Variants in FBXO33 observed in about 807,000 individuals in gnomAD.
FBXO33 encodes F-box protein 33, also known as F-box only protein 33.
Under a neutral mutation model 46.3 loss-of-function variants are expected in FBXO33, and 22 were observed. That is an observed-to-expected ratio of 0.48 (90% CI 0.34 to 0.68). The LOEUF (loss-of-function observed/expected upper bound fraction) is 0.68. Ranked by LOEUF, FBXO33 falls within the 30% of genes least tolerant of loss-of-function variation. The pLI is 0.01. For missense variants in FBXO33, 692 were observed against 708.8 expected (o/e 0.98, Z 0.27); for synonymous variants, 337 against 291.3 (o/e 1.16, Z -1.60).
chr14:39,432,043 C>T lies in FBXO33; in HGVS notation c.120G>A (p.Gly40=), dbSNP rs1213158519. The change falls in exon 1 of 4, where the codon GGG becomes GGA. Residue 40 remains glycine (G), a synonymous_variant. Transcript: ENST00000298097. ...LRLQQLRRLR[G]LLRVLRGRPG... is the part of the protein sequence containing the mutation. ...GCCGCCCCCGCAGTACCCGGAGCAG[C>T]CCCCGCAGCCGTCGCAGCTGCTGCA... 3 of 1,293,636 alleles carry T rather than the reference C, an allele frequency of 2.3e-6. No homozygotes were observed. Among genetic ancestry groups the T allele is most frequent in the East Asian group, 3.2e-5 (1 of 31,426 alleles). 80.1% of individuals were successfully genotyped at this position (1,293,636 alleles called of 1,614,324 possible).
Position 39,431,683 on chromosome 14 carries a change from C to A in FBXO33, c.480G>T (p.Ala160=), listed in dbSNP as rs746035437. 3.1e-6 allele frequency: 5 copies of A among 1,613,520 alleles called. No homozygotes were observed. The highest frequency in any genetic ancestry group is 4.2e-6 in the Non-Finnish European group (5 of 1,180,010). ...SGGGPGDGGG[A]DTGTGGEEVE... ...CTTCCTCCCCTCCAGTCCCGGTGTC[C>A]GCGCCACCTCCGTCCCCTGGGCCAC... The change falls in exon 1 of 4, where the codon GCG becomes GCT. Residue 160 remains alanine (A), a synonymous_variant. Transcript: ENST00000298097.
chr14:39,405,272 C>T (rs1033534272), intron 1 of FBXO33, among the ~76,000 whole-genome samples: 3 of 152,026 alleles, frequency 2.0e-5, no homozygotes, highest in Non-Finnish European at 2.9e-5. Flanking sequence ...ATGAGAGATA[C>T]TGGCACCTTG....
Position 39,432,414 on chromosome 14 carries a change from G to A in FBXO33, c.-252C>T, listed in dbSNP as rs1351655671. On this transcript the variant is annotated 5_prime_UTR_variant, in exon 1 of 4. Transcript: ENST00000298097. The stretch of plus-strand genomic sequence containing the variant: ...AAAGGCAGCCCTCCCTGCGCCGGTC[G>A]GCAGAGACAGAGAAGTGGTAGGAGC... 8.6e-6 allele frequency: 2 copies of A among 232,576 alleles called. No individual in the cohort carries two copies. The highest frequency in any genetic ancestry group is 1.7e-5 in the Non-Finnish European group (2 of 121,018). The allele number at this position is 232,576 out of a possible 1,614,324, so 14.4% of individuals were successfully genotyped here.
In FBXO33 at chr14:39,399,240, A is replaced by AAGTT; in HGVS notation, c.*272_*275dup. 1 of 245,740 alleles carries AAGTT rather than the reference A, an allele frequency of 4.1e-6. No individual in the cohort carries two copies. 15.2% of individuals were successfully genotyped at this position (245,740 alleles called of 1,614,324 possible). A position where few individuals can be genotyped will look rare whatever the true frequency, so the allele number is the denominator to read the frequency against. The stretch of plus-strand genomic sequence containing the variant: ...AGGCAGAGTAACTCAGTGAAAAATA[A>AAGTT]AGTTAGCCAGCAACCTCAGACAATC... On this transcript the variant is annotated 3_prime_UTR_variant, in exon 4 of 4. Coordinates refer to ENST00000298097, the MANE Select transcript of FBXO33 (RefSeq NM_203301.4).
In FBXO33 at chr14:39,431,698, C is replaced by T; in HGVS notation, c.465G>A (p.Gly155=). The part of the protein sequence containing the change: ...AENYLSGGGP[G]DGGGADTGTG... ...TCCCGGTGTCCGCGCCACCTCCGTC[C>T]CCTGGGCCACCGCCGCTCAGATAGT... Residue 155 remains glycine, a synonymous_variant, in exon 1 of 4, where the codon GGG becomes GGA. Coordinates refer to ENST00000298097, the MANE Select transcript of FBXO33 (RefSeq NM_203301.4). 2 of 1,613,380 alleles carry T rather than the reference C, an allele frequency of 1.2e-6. No individual in the cohort carries two copies. Among genetic ancestry groups the T allele is most frequent in the Middle Eastern group, 1.6e-4 (1 of 6,062 alleles).
chr14:39,416,396 T>C (rs975765493), intron 1 of FBXO33, among the ~76,000 whole-genome samples: 2 of 152,228 alleles, frequency 1.3e-5, no homozygotes, highest in African/African-American at 4.8e-5. Context: ...TGAATCTGAA[T>C]ATCCATTTCC....
At chr14:39,420,548 G>A (rs187105373) in intron 1 of FBXO33, among the ~76,000 whole-genome samples, 28 of 152,202 alleles carry the variant, frequency 1.8e-4, no homozygotes, top group Non-Finnish European at 3.5e-4. Context: ...TTAGCCAGGC[G>A]TGGTGGTGGG....
rs1297934434 is a variant in FBXO33 at position 39,399,507 on chromosome 14, A to T, written c.*9T>A. 38 of 1,588,818 alleles carry T rather than the reference A, an allele frequency of 2.4e-5. No individual in the cohort carries two copies. In the Admixed American group the frequency reaches 5.5e-4, roughly 23 times the overall value. ...TATGTAACCACAGGAATTCTACATT[A>T]AAAAAAAGCTAAATGTCTTCACTGA... On this transcript the variant is annotated 3_prime_UTR_variant, in exon 4 of 4. Transcript: ENST00000298097.
At chr14:39,428,662 A>G (rs1293884171) in intron 1 of FBXO33, among the ~76,000 whole-genome samples, 1 of 152,190 alleles carries the variant, frequency 6.6e-6, no homozygotes, top group African/African-American at 2.4e-5. Flanking sequence ...GACTGAGTCT[A>G]TTACCTATTA....
In FBXO33 at chr14:39,397,693, T is replaced by C. The variant is rs1200672009; in HGVS notation, c.*1823A>G. The C allele has an allele frequency of 6.6e-6, 1 of 152,668 alleles. No homozygotes were observed. Among genetic ancestry groups the C allele is most frequent in the Non-Finnish European group, 1.5e-5 (1 of 68,036 alleles). 9.5% of individuals were successfully genotyped at this position (152,668 alleles called of 1,614,324 possible). A position where few individuals can be genotyped will look rare whatever the true frequency, so the allele number is the denominator to read the frequency against. The stretch of plus-strand genomic sequence containing the variant: ...ATTATTATACACAATATAAGGATTA[T>C]TGCAGTTTATTTAACACTAAAAGTA... On this transcript the variant is annotated 3_prime_UTR_variant, in exon 4 of 4. Transcript: ENST00000298097.
intron 1 of FBXO33, among the ~76,000 whole-genome samples, chr14:39,430,560 C>T (rs773958811): frequency 6.6e-6 from 1 of 152,168 alleles, no homozygotes; most frequent in Middle Eastern, 3.4e-3. Context: ...TTCTGTAAAA[C>T]AGGGTTATTT....
At chr14:39,399,887 A>C (rs915130396) in intron 3 of FBXO33, 100 bp from the exon 4 acceptor site, 2 of 1,270,016 alleles carry the variant, frequency 1.6e-6, no homozygotes, top group Non-Finnish European at 2.1e-6. Context: ...GAGAAGCTTC[A>C]AATTTGTATC....
At chr14:39,424,949 G>A (rs2075503822) in intron 1 of FBXO33, among the ~76,000 whole-genome samples, 1 of 152,116 alleles carries the variant, frequency 6.6e-6, no homozygotes, top group Admixed American at 6.5e-5. Context: ...CTACTTGGGA[G>A]GCTGAGGCAG....
chr14:39,399,391 T>C lies in FBXO33; in HGVS notation c.*125A>G. The C allele has an allele frequency of 2.4e-6, 2 of 836,250 alleles. No homozygotes were observed. The highest frequency in any genetic ancestry group is 2.2e-5 in the South Asian group (1 of 45,470). The allele number at this position is 836,250 out of a possible 1,614,324, so 51.8% of individuals were successfully genotyped here. ...TTGATCAAGAAGTAGAATATACATA[T>C]ATAATTCTATAAAGCTAATACTGAT... On this transcript the variant is annotated 3_prime_UTR_variant, in exon 4 of 4. Transcript: ENST00000298097.
chr14:39,402,743 C>T (rs1313986673), intron 1 of FBXO33, among the ~76,000 whole-genome samples: 2 of 143,072 alleles, frequency 1.4e-5, no homozygotes, highest in Non-Finnish European at 3.0e-5. Flanking sequence ...AGGGCAGTAG[C>T]GCGATCCCGG....
intron 1 of FBXO33, among the ~76,000 whole-genome samples, chr14:39,411,576 G>A (rs776558567): frequency 1.3e-4 from 20 of 150,524 alleles, no homozygotes; most frequent in South Asian, 6.5e-4. Flanking sequence ...AGGCTGGAGC[G>A]CAGTGGCCAG....
chr14:39,432,042 GC>G lies in FBXO33; in HGVS notation c.120del (p.Leu41CysfsTer35). On this transcript the variant is annotated frameshift_variant, in exon 1 of 4. Transcript: ENST00000298097. LOFTEE classifies it high-confidence loss of function. Reference sequence around the variant, plus strand: ...GGCCGCCCCCGCAGTACCCGGAGCAGCCCCCGCAGCCGTCGCAGCTGCTGCA... The same window carrying G: ...GGCCGCCCCCGCAGTACCCGGAGCAGCCCCGCAGCCGTCGCAGCTGCTGCA... ...LRLQQLRRLR[G>X]LLRVLRGRPG... 1 of 1,293,520 alleles carries G rather than the reference GC, an allele frequency of 7.7e-7. No individual in the cohort carries two copies. Among genetic ancestry groups the G allele is most frequent in the Non-Finnish European group, 9.8e-7 (1 of 1,024,786 alleles). The allele number at this position is 1,293,520 out of a possible 1,614,324, so 80.1% of individuals were successfully genotyped here.
At chr14:39,430,454 T>G (rs759253901) in intron 1 of FBXO33, among the ~76,000 whole-genome samples, 3 of 152,204 alleles carry the variant, frequency 2.0e-5, no homozygotes, top group Non-Finnish European at 4.4e-5. Context: ...CAACATAATG[T>G]TCAGTATATT....
intron 1 of FBXO33, among the ~76,000 whole-genome samples, chr14:39,420,204 TC>T (rs1421637738): frequency 6.6e-6 from 1 of 152,210 alleles, no homozygotes; most frequent in African/African-American, 2.4e-5. Context: ...CTTATTAGAT[TC>T]TTGGAGTAGA....
Sources: gnomAD v4.1 joint callset for allele counts (sites outside exome capture counted in the v4.1 genomes callset) on GRCh38, gnomAD v4.1.1 for gene constraint, MANE v1.5 for transcripts, NCBI Gene and HGNC (gene_info 2026-07-23, HGNC 2026-07-21) for gene names.